The following CHRM2 variants were observed in gnomAD, a reference collection of about 807,000 sequenced individuals.
The protein encoded by CHRM2 is cholinergic receptor muscarinic 2.
CHRM2 carries 8 observed loss-of-function variants against 25.0 expected under a neutral mutation model. The observed-to-expected ratio is 0.32, with a 90% CI of 0.19 to 0.58. The LOEUF (loss-of-function observed/expected upper bound fraction) is 0.58. Ranked by LOEUF, CHRM2 falls within the 20% of genes least tolerant of loss-of-function variation. CHRM2 has a pLI of 0.88. For synonymous variants in CHRM2, 202 were observed against 205.7 expected, an observed-to-expected ratio of 0.98 and a Z score of 0.15; for missense variants, 440 against 567.1, an observed-to-expected ratio of 0.78 and a Z score of 2.28.
intron 2 of CHRM2, among the ~76,000 whole-genome samples, chr7:136,942,620 A>G (rs1223805609): frequency 1.3e-5 from 2 of 152,052 alleles, no homozygotes; most frequent in Non-Finnish European, 2.9e-5. Context: ...TTACCCTTTC[A>G]TTTAACACAT....
intron 2 of CHRM2, among the ~76,000 whole-genome samples, chr7:136,927,583 T>C (rs1362904185): frequency 1.3e-5 from 2 of 152,216 alleles, no homozygotes; most frequent in East Asian, 1.9e-4. Context: ...CAAGGAAGCA[T>C]TAAGCCCCAT....
chr7:136,986,682 T>C (rs1802877459), intron 2 of CHRM2, among the ~76,000 whole-genome samples: 1 of 152,198 alleles, frequency 6.6e-6, no homozygotes, highest in Non-Finnish European at 1.5e-5. Context: ...TAAATGTCTC[T>C]TACAATGAGC....
At chr7:136,902,358 T>G (rs1304025782) in intron 2 of CHRM2, 1 of 152,056 alleles carries the variant, frequency 6.6e-6, no homozygotes, top group Non-Finnish European at 1.5e-5. Context: ...CAGAAGAGTT[T>G]GAATTTAGGT....
chr7:136,957,425 C>T (rs894908084), intron 2 of CHRM2, among the ~76,000 whole-genome samples: 1 of 152,112 alleles, frequency 6.6e-6, no homozygotes, highest in Non-Finnish European at 1.5e-5. Flanking sequence ...GAAGCTTGTG[C>T]AAATAAACTG....
rs182970548 is a variant in CHRM2, at chr7:136,882,327, C to T, written c.-125+12909C>T. Among the ~76,000 whole-genome samples the T allele has an allele frequency of 2.6e-5, 4 of 152,042 alleles. No individual in the cohort carries two copies. In the East Asian group the frequency reaches 7.7e-4, roughly 29 times the overall value. ...TATTCTCCGGTTTCATTAAAAGAAA[C>T]CTGCTCCATAAGGATGGGACTTGTA... On this transcript the variant is annotated intron_variant, in intron 2 of 3. Coordinates refer to ENST00000680005, the MANE Select transcript of CHRM2 (RefSeq NM_001006630.2).
chr7:136,959,890 A>G (rs1208282061), intron 2 of CHRM2, among the ~76,000 whole-genome samples: 1 of 152,208 alleles, frequency 6.6e-6, no homozygotes, highest in African/African-American at 2.4e-5. Context: ...CAGCCTGGGC[A>G]GCAAGAGCAA....
chr7:136,971,629 A>G (rs924263613), intron 2 of CHRM2, among the ~76,000 whole-genome samples: 6 of 151,632 alleles, frequency 4.0e-5, no homozygotes, highest in Non-Finnish European at 8.8e-5. Context: ...AAAAAAAAAA[A>G]AAAAAAAAGA....
chr7:136,949,160 G>T lies in CHRM2; in HGVS notation c.-124-43027G>T, dbSNP rs192320456. On this transcript the variant is annotated intron_variant, in intron 2 of 3. Transcript: ENST00000680005. ...GAGGCCTGTAATATAGAAGGAAAAG[G>T]AATCAGAAACTAATATTTAATACAC... Among the ~76,000 whole-genome samples, 31 of 152,130 alleles carry T rather than the reference G, an allele frequency of 2.0e-4. 1 individual carries two copies. The Middle Eastern group carries it at 0.02, about 100-fold the overall frequency.
At chr7:136,909,563 C>T (rs990725072) in intron 2 of CHRM2, among the ~76,000 whole-genome samples, 14 of 151,812 alleles carry the variant, frequency 9.2e-5, no homozygotes, top group Admixed American at 3.9e-4. Flanking sequence ...GATTTTAATG[C>T]AAAAATTCAG....
At chr7:136,870,397 G>C (rs1795774440) in intron 2 of CHRM2, 1 of 152,442 alleles carries the variant, frequency 6.6e-6, no homozygotes, top group South Asian at 2.1e-4. Context: ...GGCGCCCCTG[G>C]GGCCCCTCAC....
At chr7:136,972,466 A>G (rs1801839565) in intron 2 of CHRM2, among the ~76,000 whole-genome samples, 2 of 152,076 alleles carry the variant, frequency 1.3e-5, no homozygotes, top group Non-Finnish European at 2.9e-5. Flanking sequence ...CAGTGACACA[A>G]TATAGTCTGC....
At chr7:136,876,335 C>G (rs796707643) in intron 2 of CHRM2, among the ~76,000 whole-genome samples, 1 of 152,080 alleles carries the variant, frequency 6.6e-6, no homozygotes, top group African/African-American at 2.4e-5. Flanking sequence ...ATACAGATGA[C>G]GTGAGAATAG....
chr7:136,903,138 G>A lies in CHRM2; in HGVS notation c.-125+33720G>A, dbSNP rs200719061. The A allele has an allele frequency of 2.2e-5, 12 of 533,856 alleles. No homozygotes were observed. In the Middle Eastern group the frequency reaches 1.9e-3, roughly 85 times the overall value. 33.1% of individuals were successfully genotyped at this position (533,856 alleles called of 1,614,324 possible). A position where few individuals can be genotyped will look rare whatever the true frequency, so the allele number is the denominator to read the frequency against. On this transcript the variant is annotated intron_variant, in intron 2 of 3. Coordinates refer to ENST00000680005, the MANE Select transcript of CHRM2 (RefSeq NM_001006630.2). ...GTAGGTTTTTTATTCTTCAACCAAC[G>A]GTGGTGAAGAGGATCTCCCTTCACT...
chr7:136,974,042 G>A (rs191018469), intron 2 of CHRM2, among the ~76,000 whole-genome samples: 1 of 152,072 alleles, frequency 6.6e-6, no homozygotes, highest in African/African-American at 2.4e-5. Flanking sequence ...CTTGGCTGCG[G>A]TCTCATATTT....
At position 136,931,463 on chromosome 7, in the gene CHRM2, A is replaced by T. The variant is rs77144470; in HGVS notation, c.-124-60724A>T. Among the ~76,000 whole-genome samples, 860 of 152,328 alleles carry T rather than the reference A, an allele frequency of 5.6e-3. 27 individuals are homozygous for T. In the East Asian group the frequency reaches 0.09, roughly 16 times the overall value. ...AGAAGAACCTCCTGGAGCTATGAAG[A>T]TACCTTTGGGTACTGAGGAAGCCAC... On this transcript the variant is annotated intron_variant, in intron 2 of 3. Transcript: ENST00000680005.
intron 2 of CHRM2, chr7:136,901,888 G>A (rs770836788): frequency 6.6e-6 from 1 of 151,870 alleles, no homozygotes; most frequent in Non-Finnish European, 1.5e-5. Flanking sequence ...TTAGAGCCCC[G>A]AGATGTGACT....
intron 2 of CHRM2, among the ~76,000 whole-genome samples, chr7:136,962,677 T>C (rs1801174722): frequency 6.6e-6 from 1 of 152,196 alleles, no homozygotes; most frequent in Admixed American, 6.5e-5. Context: ...AAAAACCCAG[T>C]ACAAACTTGC....
intron 2 of CHRM2, among the ~76,000 whole-genome samples, chr7:136,981,936 T>G (rs1166449333): frequency 2.0e-5 from 3 of 152,104 alleles, no homozygotes; most frequent in Non-Finnish European, 2.9e-5. Flanking sequence ...TGATTTGGGG[T>G]GGAGAGTTCT....
intron 2 of CHRM2, among the ~76,000 whole-genome samples, chr7:136,983,921 T>C (rs1415919550): frequency 1.3e-5 from 2 of 152,176 alleles, no homozygotes; most frequent in South Asian, 2.1e-4. Flanking sequence ...GGTCAGGGAC[T>C]TGACCCTTGA....
Sources: allele counts gnomAD v4.1 joint callset (sites outside exome capture counted in the v4.1 genomes callset), GRCh38; gene constraint gnomAD v4.1.1; transcripts MANE v1.5; gene names NCBI Gene and HGNC (gene_info 2026-07-23, HGNC 2026-07-21).